The following ZNF827 variants were observed in gnomAD, a reference collection of about 807,000 sequenced individuals.
ZNF827 encodes zinc finger protein 827.
Under a neutral mutation model 102.4 loss-of-function variants are expected in ZNF827, and 13 were observed. The observed-to-expected ratio is 0.13, with a 90% CI of 0.08 to 0.20. ZNF827 has a LOEUF of 0.20. Among genes scored for constraint, ZNF827 ranks in the 10% least tolerant of loss-of-function variants. ZNF827 has a pLI of 1.00. For missense variants in ZNF827, 1,103 were observed against 1,344.4 expected (o/e 0.82, Z 2.81); for synonymous variants, 523 against 536.2 (o/e 0.98, Z 0.34).
intron 7 of ZNF827, among the ~76,000 whole-genome samples, chr4:145,843,721 G>GT (rs943678412): frequency 1.2e-4 from 19 of 152,196 alleles, no homozygotes; most frequent in Non-Finnish European, 1.8e-4. Context: ...CGGAGTTTGC[G>GT]TAAGTGTTGC....
At chr4:145,808,998 G>T (rs998579083) in intron 8 of ZNF827, among the ~76,000 whole-genome samples, 3 of 151,910 alleles carry the variant, frequency 2.0e-5, no homozygotes, top group African/African-American at 7.3e-5. Flanking sequence ...GCGGGGTCTT[G>T]CTACATTGCC....
At chr4:145,766,013 C>T (rs1479477702) in intron 11 of ZNF827, among the ~76,000 whole-genome samples, 1 of 152,216 alleles carries the variant, frequency 6.6e-6, no homozygotes, top group Non-Finnish European at 1.5e-5. Flanking sequence ...CTAAGACATA[C>T]TAAACATGTT....
rs1747808012 is a variant in ZNF827 at position 145,862,339 on chromosome 4, G to A, written c.1981+7906C>T. Among the ~76,000 whole-genome samples, 3 of 152,160 alleles carry A rather than the reference G, an allele frequency of 2.0e-5. No homozygotes were observed. The South Asian group carries it at 6.2e-4, about 32-fold the overall frequency. On this transcript the variant is annotated intron_variant, in intron 5 of 14. Coordinates refer to ENST00000508784, the MANE Select transcript of ZNF827 (RefSeq NM_001306215.2). ...TAGCCTCTGAGCTTAACAAGATCTAGACCTTCAAGAGAAGATTTCTCTGGG... is the reference window on the plus strand; with the variant it reads ...TAGCCTCTGAGCTTAACAAGATCTAAACCTTCAAGAGAAGATTTCTCTGGG...
At chr4:145,878,559 AGACAGGACAGGACAGGACAG>A (rs1215402706) in intron 4 of ZNF827, among the ~76,000 whole-genome samples, 120 of 123,820 alleles carry the variant, frequency 9.7e-4, no homozygotes, top group African/African-American at 3.6e-3. Flanking sequence ...AAAAAAGACA[AGACAGGACAGGACAGGACAG>A]GACAGGACAG....
At chr4:145,862,102 G>T (rs375004356) in intron 5 of ZNF827, among the ~76,000 whole-genome samples, 1 of 152,314 alleles carries the variant, frequency 6.6e-6, no homozygotes, top group South Asian at 2.1e-4. Context: ...TCAGGTGTAC[G>T]GGTTTGAGGA....
intron 11 of ZNF827, 75 bp downstream of exon 11, chr4:145,774,431 T>A: frequency 6.6e-7 from 1 of 1,515,280 alleles, no homozygotes; most frequent in Non-Finnish European, 9.0e-7. Flanking sequence ...GTGGGGATGC[T>A]TCGGCCAGGT....
intron 1 of ZNF827, among the ~76,000 whole-genome samples, chr4:145,936,950 C>T (rs967326362): frequency 3.9e-5 from 6 of 151,984 alleles, no homozygotes; most frequent in Non-Finnish European, 7.4e-5. Context: ...CTCCGTCTCC[C>T]CCGACCCCTC....
intron 5 of ZNF827, among the ~76,000 whole-genome samples, chr4:145,865,014 AT>A: frequency 6.6e-6 from 1 of 152,364 alleles, no homozygotes; most frequent in African/African-American, 2.4e-5. Context: ...CTGAGAAATT[AT>A]TAAGCTAAAT....
chr4:145,930,001 C>A (rs566888886), intron 1 of ZNF827, among the ~76,000 whole-genome samples: 10 of 152,310 alleles, frequency 6.6e-5, no homozygotes, highest in Admixed American at 6.5e-4. Flanking sequence ...AGAGTTTGTA[C>A]GTTTGACTGC....
intron 3 of ZNF827, among the ~76,000 whole-genome samples, chr4:145,887,847 G>A (rs1194845542): frequency 6.6e-6 from 1 of 152,216 alleles, no homozygotes; most frequent in Non-Finnish European, 1.5e-5. Flanking sequence ...CTGGAACCAG[G>A]TGATAAAGGT....
intron 1 of ZNF827, among the ~76,000 whole-genome samples, chr4:145,924,969 T>G (rs1391379586): frequency 6.6e-6 from 1 of 152,204 alleles, no homozygotes; most frequent in Non-Finnish European, 1.5e-5. Flanking sequence ...CTGGGTAATT[T>G]ATGAAGGAAA....
At chr4:145,776,507 A>G (rs544063857) in intron 9 of ZNF827, among the ~76,000 whole-genome samples, 1 of 152,112 alleles carries the variant, frequency 6.6e-6, no homozygotes, top group East Asian at 1.9e-4. Context: ...TAGAATAGAT[A>G]ACCTGCTTTT....
intron 8 of ZNF827, among the ~76,000 whole-genome samples, chr4:145,788,084 C>T (rs776413336): frequency 7.9e-5 from 12 of 152,168 alleles, no homozygotes; most frequent in Non-Finnish European, 1.6e-4. Flanking sequence ...GCCTGCTCCT[C>T]TAAGCCATAT....
chr4:145,834,671 A>G (rs1744626098), intron 7 of ZNF827, among the ~76,000 whole-genome samples: 1 of 152,122 alleles, frequency 6.6e-6, no homozygotes, highest in Non-Finnish European at 1.5e-5. Context: ...CATCAAATAT[A>G]AAAATCCAGC....
chr4:145,776,191 T>G (rs528725616), intron 9 of ZNF827, among the ~76,000 whole-genome samples: 2 of 152,166 alleles, frequency 1.3e-5, no homozygotes, highest in Non-Finnish European at 2.9e-5. Context: ...GCACTGTGGC[T>G]CACACCTGTA....
intron 1 of ZNF827, among the ~76,000 whole-genome samples, chr4:145,917,700 CAA>C (rs763617063): frequency 0.098 from 4,494 of 46,052 alleles, 39 homozygotes; most frequent in Middle Eastern, 0.17. Context: ...GGTAGCTGGT[CAA>C]AAAAAAAAAA....
intron 1 of ZNF827, among the ~76,000 whole-genome samples, chr4:145,909,057 C>A (rs1752080310): frequency 6.6e-6 from 1 of 152,128 alleles, no homozygotes; most frequent in Non-Finnish European, 1.5e-5. Flanking sequence ...GATAAATTAA[C>A]CCAATGAAAA....
intron 8 of ZNF827, among the ~76,000 whole-genome samples, chr4:145,779,982 G>C (rs1341805026): frequency 6.6e-6 from 1 of 152,202 alleles, no homozygotes; most frequent in African/African-American, 2.4e-5. Flanking sequence ...CTTGAGCTCA[G>C]AAGTTCAAGA....
At chr4:145,935,679 T>C (rs947648206) in intron 1 of ZNF827, among the ~76,000 whole-genome samples, 1 of 151,966 alleles carries the variant, frequency 6.6e-6, no homozygotes, top group African/African-American at 2.4e-5. Flanking sequence ...TTTAAGTGAG[T>C]GGCTAACAGG....
Sources: allele counts gnomAD v4.1 joint callset (sites outside exome capture counted in the v4.1 genomes callset), GRCh38; gene constraint gnomAD v4.1.1; transcripts MANE v1.5; gene names NCBI Gene and HGNC (gene_info 2026-07-23, HGNC 2026-07-21).